Variants in DNAH8 observed in about 807,000 individuals in gnomAD.
The protein encoded by DNAH8 is axonemal beta dynein heavy chain 8.
A neutral mutation model predicts 562.1 loss-of-function variants in DNAH8; 382 were observed. That is an observed-to-expected ratio of 0.68 (90% CI 0.63 to 0.74). The LOEUF (loss-of-function observed/expected upper bound fraction) is 0.74, where lower values mean the gene tolerates loss of function less well. Ranked by LOEUF, DNAH8 falls within the 30% of genes least tolerant of loss-of-function variation. The probability of loss-of-function intolerance (pLI) is 0.00; values close to 1 mark genes in which losing one functional copy is unlikely to be tolerated. For synonymous variants in DNAH8, 1,881 were observed against 1,919.4 expected (o/e 0.98, Z 0.52); for missense variants, 5,203 against 5,620.4 (o/e 0.93, Z 2.37).
At position 38,886,979 on chromosome 6, in the gene DNAH8, A is replaced by G. The variant is rs777227121; in HGVS notation, c.8448A>G (p.Ser2816=). 4.3e-6 allele frequency: 7 copies of G among 1,613,094 alleles called. No homozygotes were observed. In the South Asian group the frequency reaches 7.7e-5, roughly 18 times the overall value. Reference sequence around the variant, plus strand: ...CTGTGTTTAATTGTACATTGCCTTCAAATGCTTCAATAGACAAAATTTTTG... The same window carrying G: ...CTGTGTTTAATTGTACATTGCCTTCGAATGCTTCAATAGACAAAATTTTTG... The part of the protein sequence containing the change: ...QFTVFNCTLP[S]NASIDKIFGI... The change falls in exon 57 of 93, where the codon TCA becomes TCG. Residue 2816 remains serine (S), a synonymous_variant. Coordinates refer to ENST00000327475, the MANE Select transcript of DNAH8 (RefSeq NM_001206927.2).
At chr6:38,909,373 A>G (rs1780710441) in intron 64 of DNAH8, 145 bp from the exon 65 acceptor site, 1 of 681,716 alleles carries the variant, frequency 1.5e-6, no homozygotes, top group Non-Finnish European at 2.5e-6. Flanking sequence ...TCATCACAAC[A>G]TTAAATTTAT....
Position 38,722,866 on chromosome 6 carries a change from T to C in DNAH8, c.57T>C (p.Ser19=), listed in dbSNP as rs1414100865. The change falls in exon 2 of 93, where the codon TCT becomes TCC. Residue 19 remains serine (S), a synonymous_variant. Transcript: ENST00000327475. Reference sequence around the variant, plus strand: ...CTGAGGGAGCAGAGGCTCCTCCCTCTACGGAAGAGGCTGCCCCTCCCCGTT... The same window carrying C: ...CTGAGGGAGCAGAGGCTCCTCCCTCCACGGAAGAGGCTGCCCCTCCCCGTT... ...APSEGAEAPP[S]TEEAAPPRSE... The C allele has an allele frequency of 6.2e-7, 1 of 1,611,830 alleles. No individual in the cohort carries two copies. Among genetic ancestry groups the C allele is most frequent in the Admixed American group, 1.7e-5 (1 of 59,898 alleles).
intron 20 of DNAH8, among the ~76,000 whole-genome samples, chr6:38,791,305 G>A (rs966151887): frequency 2.0e-5 from 3 of 152,162 alleles, no homozygotes; most frequent in Admixed American, 1.3e-4. Flanking sequence ...CTCCTGTGCT[G>A]GAATCAGGAT....
chr6:38,990,751 G>A (rs1764728387), intron 88 of DNAH8, among the ~76,000 whole-genome samples: 1 of 152,074 alleles, frequency 6.6e-6, no homozygotes, highest in Non-Finnish European at 1.5e-5. Flanking sequence ...TCAGCTTTGC[G>A]TGAGGTCCCT....
At chr6:38,791,369 T>G (rs576479320) in intron 20 of DNAH8, among the ~76,000 whole-genome samples, 186 bp from the exon 21 acceptor site, 2 of 152,310 alleles carry the variant, frequency 1.3e-5, no homozygotes, top group African/African-American at 4.8e-5. Flanking sequence ...CAAGAAAAAT[T>G]TAGTTTTATG....
intron 10 of DNAH8, among the ~76,000 whole-genome samples, chr6:38,760,938 G>A (rs72849126): frequency 6.6e-6 from 1 of 151,846 alleles, no homozygotes; most frequent in East Asian, 1.9e-4. Flanking sequence ...GGTATTCCTT[G>A]ATAGCAATGT....
chr6:38,909,506 T>G lies in DNAH8; in HGVS notation c.9514-12T>G, dbSNP rs1780719769. ...CTGTGTTTCTAATGTTTGTTGACTT[T>G]GCTATCAATAGGTTGGTGAGAAGTT... On this transcript the variant is annotated splice_polypyrimidine_tract_variant and intron_variant, in intron 64 of 92. Coordinates refer to ENST00000327475, the MANE Select transcript of DNAH8 (RefSeq NM_001206927.2). 3 of 1,613,560 alleles carry G rather than the reference T, an allele frequency of 1.9e-6. No homozygotes were observed. The East Asian group carries it at 6.7e-5, about 36-fold the overall frequency.
At chr6:38,795,414 C>A (rs1031821507) in intron 21 of DNAH8, among the ~76,000 whole-genome samples, 5 of 152,060 alleles carry the variant, frequency 3.3e-5, no homozygotes, top group Non-Finnish European at 7.4e-5. Context: ...CCCGTCTCTA[C>A]TAAAAATACA....
chr6:38,721,090 ATTTAAGAAT>A (rs1351953083), intron 1 of DNAH8, among the ~76,000 whole-genome samples: 1 of 152,134 alleles, frequency 6.6e-6, no homozygotes, highest in Non-Finnish European at 1.5e-5. Flanking sequence ...AAACGACCAG[ATTTAAGAAT>A]TATTGAGTTT....
At chr6:38,960,514 A>G (rs910955289) in intron 82 of DNAH8, among the ~76,000 whole-genome samples, 2 of 152,050 alleles carry the variant, frequency 1.3e-5, no homozygotes, top group Admixed American at 6.5e-5. Flanking sequence ...AAAAAGATAT[A>G]TGAAAAAGGC....
intron 85 of DNAH8, among the ~76,000 whole-genome samples, chr6:38,978,928 C>CTTAA (rs1455943628): frequency 6.6e-6 from 1 of 152,232 alleles, no homozygotes; most frequent in Non-Finnish European, 1.5e-5. Flanking sequence ...CAGTCACCAT[C>CTTAA]TTAATGATGG....
At chr6:38,759,310 AAAACAAACAAACAAAC>A (rs77729842) in intron 10 of DNAH8, among the ~76,000 whole-genome samples, 1 of 151,038 alleles carries the variant, frequency 6.6e-6, no homozygotes, top group Non-Finnish European at 1.5e-5. Flanking sequence ...CCTGTCTCAA[AAAACAAACAAACAAAC>A]AAACAAACAA....
At chr6:38,810,096 T>C (rs1388161653) in intron 24 of DNAH8, among the ~76,000 whole-genome samples, 1 of 152,226 alleles carries the variant, frequency 6.6e-6, no homozygotes, top group African/African-American at 2.4e-5. Context: ...TTTGTTTGCA[T>C]TTATTGTGAT....
Position 38,868,185 on chromosome 6 carries a change from C to G in DNAH8, c.6817C>G (p.Leu2273Val). 6.2e-7 allele frequency: 1 copy of G among 1,604,422 alleles called. No individual in the cohort carries two copies. Among genetic ancestry groups the G allele is most frequent in the Non-Finnish European group, 8.5e-7 (1 of 1,177,544 alleles). Reference sequence around the variant, plus strand: ...CATGAGAGGACTAAGAGATATGAACCTTTCCAAACTGGTATCTTCTCTGAA... The same window carrying G: ...CATGAGAGGACTAAGAGATATGAACGTTTCCAAACTGGTATCTTCTCTGAA... Reference protein sequence around the residue: ...IVMRGLRDMNLSKLVDEDEPL... With the variant: ...IVMRGLRDMNVSKLVDEDEPL... The change falls in exon 48 of 93, where the codon CTT becomes GTT. Residue 2273 changes from leucine (L) to valine (V), a missense_variant. By Grantham distance (32) the Leu-to-Val change is conservative. Transcript: ENST00000327475.
intron 62 of DNAH8, among the ~76,000 whole-genome samples, chr6:38,904,867 C>G (rs1008759230): frequency 2.7e-5 from 4 of 150,644 alleles, no homozygotes; most frequent in African/African-American, 9.8e-5. Flanking sequence ...TGCATGACGA[C>G]ACTTTCAGTG....
chr6:38,910,438 T>A (rs2150528820), intron 65 of DNAH8, among the ~76,000 whole-genome samples: 1 of 152,356 alleles, frequency 6.6e-6, no homozygotes, highest in East Asian at 1.9e-4. Flanking sequence ...TCAGTGAGGT[T>A]CCTACTTCAC....
chr6:38,898,474 A>G (rs898274062), intron 61 of DNAH8, 94 bp downstream of exon 61: 4 of 1,089,548 alleles, frequency 3.7e-6, no homozygotes, highest in African/African-American at 3.3e-5. Context: ...ACTATATACT[A>G]TCAGGTACCG....
intron 74 of DNAH8, among the ~76,000 whole-genome samples, chr6:38,926,617 G>A (rs1485531224): frequency 6.6e-6 from 1 of 152,098 alleles, no homozygotes; most frequent in Non-Finnish European, 1.5e-5. Flanking sequence ...CTAATAAGGT[G>A]TTAATTTTAA....
chr6:38,735,553 G>A lies in DNAH8; in HGVS notation c.762+928G>A, dbSNP rs117830848. 9.3e-3 allele frequency among the ~76,000 whole-genome samples: 1,410 copies of A among 152,204 alleles called. 14 individuals are homozygous for A. Among genetic ancestry groups the A allele is most frequent in the South Asian group, 0.067 (323 of 4,820 alleles). ...CAAAGTCCTGTAGTTTCACCACAATGCCTCTATGTATGGATGTTTCCTCAA... is the reference window on the plus strand; with the variant it reads ...CAAAGTCCTGTAGTTTCACCACAATACCTCTATGTATGGATGTTTCCTCAA... On this transcript the variant is annotated intron_variant, in intron 5 of 92. Coordinates refer to ENST00000327475, the MANE Select transcript of DNAH8 (RefSeq NM_001206927.2).
Sources: allele counts gnomAD v4.1 joint callset (sites outside exome capture counted in the v4.1 genomes callset), GRCh38; gene constraint gnomAD v4.1.1; transcripts MANE v1.5; gene names NCBI Gene and HGNC (gene_info 2026-07-23, HGNC 2026-07-21).